CEACAM8: variants seen among roughly 807,000 people sequenced by gnomAD.
The protein encoded by CEACAM8 is CEA cell adhesion molecule 8.
CEACAM8 carries 31 observed loss-of-function variants against 33.4 expected under a neutral mutation model. The observed-to-expected ratio is 0.93, with a 90% confidence interval of 0.70 to 1.25. The LOEUF (loss-of-function observed/expected upper bound fraction) is 1.25, where lower values mean the gene tolerates loss of function less well. Ranked by LOEUF, CEACAM8 falls within the 50% of genes most tolerant of loss-of-function variation. The pLI, the probability that CEACAM8 is intolerant of heterozygous loss-of-function variation, is 0.00. For missense variants in CEACAM8, 388 were observed against 434.6 expected (o/e 0.89, Z 0.95); for synonymous variants, 138 against 164.5 (o/e 0.84, Z 1.23).
intron 3 of CEACAM8, 127 bp downstream of exon 3, chr19:42,589,330 G>T (rs1239016145): frequency 7.0e-7 from 1 of 1,434,154 alleles, no homozygotes; most frequent in Non-Finnish European, 9.6e-7. Context: ...AAGTCATGAC[G>T]AGCTGGGTTT....
intron 4 of CEACAM8, among the ~76,000 whole-genome samples, chr19:42,587,779 T>C (rs1452944556): frequency 1.3e-5 from 2 of 151,898 alleles, no homozygotes; most frequent in African/African-American, 2.4e-5. Flanking sequence ...CCAAGGCGGG[T>C]GGATCACCTG....
chr19:42,593,351 G>A (rs990668022), intron 2 of CEACAM8, among the ~76,000 whole-genome samples, 190 bp downstream of exon 2: 4 of 152,208 alleles, frequency 2.6e-5, no homozygotes, highest in Admixed American at 6.5e-5. Context: ...TGTCTGCAGG[G>A]TCTGGATGCA....
rs978509697 is a variant in CEACAM8 at position 42,581,337 on chromosome 19, A to G, written c.*57T>C. On this transcript the variant is annotated 3_prime_UTR_variant, in exon 6 of 6. Transcript: ENST00000244336. Reference sequence around the variant, plus strand: ...TAGCTGATTGCAAATGCTTTGAGGAAGAATAAAAACAACTGTCTGTGAATG... The same window carrying G: ...TAGCTGATTGCAAATGCTTTGAGGAGGAATAAAAACAACTGTCTGTGAATG... 4 of 152,220 alleles carry G rather than the reference A, an allele frequency of 2.6e-5. No individual in the cohort carries two copies. The highest frequency in any genetic ancestry group is 5.9e-5 in the Non-Finnish European group (4 of 68,042). The allele number at this position is 152,220 out of a possible 1,614,324, so 9.4% of individuals were successfully genotyped here. A position where few individuals can be genotyped will look rare whatever the true frequency, so the allele number is the denominator to read the frequency against.
chr19:42,594,834 C>T lies in CEACAM8; in HGVS notation c.-6G>A, dbSNP rs1450049647. The T allele has an allele frequency of 6.2e-7, 1 of 1,608,818 alleles. No homozygotes were observed. Among genetic ancestry groups the T allele is most frequent in the South Asian group, 1.1e-5 (1 of 90,960 alleles). On this transcript the variant is annotated 5_prime_UTR_variant, in exon 1 of 6. Transcript: ENST00000244336. ...GGGGCTGAGATGGGCCCCATGGTCT[C>T]TGCTGCCTGCGTGTTCTCCTCTGTG...
intron 2 of CEACAM8, among the ~76,000 whole-genome samples, chr19:42,591,987 A>G (rs1241406251): frequency 6.6e-6 from 1 of 152,116 alleles, no homozygotes; most frequent in African/African-American, 2.4e-5. Context: ...GGGGGTTAGG[A>G]TCTTAGAGGG....
At chr19:42,588,623 G>A (rs10406307) in intron 4 of CEACAM8, among the ~76,000 whole-genome samples, 161 bp downstream of exon 4, 8,696 of 152,234 alleles carry the variant, frequency 0.057, 828 homozygotes, top group African/African-American at 0.2. Context: ...AGGCAGAAGA[G>A]AGTCTATAGA....
At chr19:42,583,161 C>T (rs1465704837) in intron 5 of CEACAM8, 45 bp downstream of exon 5, 19 of 829,560 alleles carry the variant, frequency 2.3e-5, no homozygotes, top group Non-Finnish European at 3.6e-5. Context: ...CCAAGCATGG[C>T]GGTCAGCCCT....
chr19:42,593,868 T>A lies in CEACAM8; in HGVS notation c.97A>T (p.Thr33Ser). 6.2e-7 allele frequency: 1 copy of A among 1,601,004 alleles called. No homozygotes were observed. Among genetic ancestry groups the A allele is most frequent in the African/African-American group, 1.3e-5 (1 of 74,542 alleles). Residue 33 changes from threonine (T) to serine (S), a missense_variant, in exon 2 of 6, where the codon ACT (threonine) becomes TCT (serine). Physicochemically the swap from Thr to Ser is moderately conservative, Grantham distance 58 (BLOSUM62 1). Transcript: ENST00000244336. ...SLFTFWNPPT[T>S]AQLTIEAVPS... ...ACAGCTTCAATAGTGAGCTGAGCAG[T>A]GGTGGGCGGGTTCCAGAAGGTGAAA...
rs577852276 is a variant in CEACAM8 at position 42,585,628 on chromosome 19, A to G, written c.959-2291T>C. On this transcript the variant is annotated intron_variant, in intron 4 of 5. Coordinates refer to ENST00000244336, the MANE Select transcript of CEACAM8 (RefSeq NM_001816.4). ...ATAAAGGCAGTATGTGAAAAGCCCA[A>G]GGCTAACATCATACTCAATAGAGAA... Among the ~76,000 whole-genome samples the G allele has an allele frequency of 1.6e-4, 25 of 152,348 alleles. 1 individual carries two copies. Among genetic ancestry groups the G allele is most frequent in the African/African-American group, 5.5e-4 (23 of 41,580 alleles).
intron 4 of CEACAM8, among the ~76,000 whole-genome samples, chr19:42,588,085 C>T (rs1030528616): frequency 1.3e-5 from 2 of 152,230 alleles, no homozygotes; most frequent in Admixed American, 1.3e-4. Flanking sequence ...CAGCCTCATG[C>T]AGCCCGTGAC....
intron 2 of CEACAM8, among the ~76,000 whole-genome samples, chr19:42,592,116 A>C (rs1383916550): frequency 1.3e-5 from 2 of 152,176 alleles, no homozygotes; most frequent in African/African-American, 2.4e-5. Context: ...CTCAGGAAGA[A>C]AGGATTTGAG....
At chr19:42,590,468 C>G (rs528356223) in intron 2 of CEACAM8, among the ~76,000 whole-genome samples, 1 of 152,042 alleles carries the variant, frequency 6.6e-6, no homozygotes, top group African/African-American at 2.4e-5. Flanking sequence ...TCTTTCCCTG[C>G]GGGGGGCAGA....
intron 1 of CEACAM8, 50 bp downstream of exon 1, chr19:42,594,715 A>G (rs1283109066): frequency 6.8e-7 from 1 of 1,476,082 alleles, no homozygotes; most frequent in Non-Finnish European, 9.4e-7. Flanking sequence ...GACCCCAGCC[A>G]GTCACTGTGT....
chr19:42,587,310 A>G (rs1490669139), intron 4 of CEACAM8, among the ~76,000 whole-genome samples: 2 of 152,246 alleles, frequency 1.3e-5, no homozygotes, highest in African/African-American at 4.8e-5. Flanking sequence ...CAGCAGCATT[A>G]GTCACACAAT....
At chr19:42,587,452 G>A (rs527442944) in intron 4 of CEACAM8, among the ~76,000 whole-genome samples, 1 of 152,330 alleles carries the variant, frequency 6.6e-6, no homozygotes, top group Non-Finnish European at 1.5e-5. Flanking sequence ...CAAAATGGAT[G>A]AACCTTAAAA....
Position 42,588,365 on chromosome 19 carries a change from C to G in CEACAM8, c.958+419G>C, listed in dbSNP as rs533154072. On this transcript the variant is annotated intron_variant, in intron 4 of 5. Transcript: ENST00000244336. ...GGGGCTCCTCCTCCCATTTGGGGAA[C>G]GTTGTGGGCTTGTTTCAAAGCCTTG... is the stretch of plus-strand genomic sequence containing the variant. Among the ~76,000 whole-genome samples the G allele has an allele frequency of 2.0e-4, 30 of 152,264 alleles. 1 individual carries two copies. The South Asian group carries it at 6.2e-3, about 32-fold the overall frequency.
chr19:42,583,310 C>G lies in CEACAM8; in HGVS notation c.986G>C (p.Gly329Ala), dbSNP rs2042284684. ...SDALVQGSSP[G>A]LSARATVSIM... The stretch of plus-strand genomic sequence containing the variant: ...GCTGACAGTGGCTCTAGCTGAGAGG[C>G]CAGGAGAACTTCCTTGTACTAAAGC... The change falls in exon 5 of 6, where the codon GGC (glycine) becomes GCC (alanine). Residue 329 changes from glycine (G) to alanine (A), a missense_variant. Physicochemically the swap from Gly to Ala is moderately conservative, Grantham distance 60 (BLOSUM62 0). Transcript: ENST00000244336. 1.9e-6 allele frequency: 3 copies of G among 1,612,978 alleles called. No individual in the cohort carries two copies. The highest frequency in any genetic ancestry group is 1.3e-5 in the African/African-American group (1 of 74,954).
chr19:42,581,751 G>A (rs185297005), intron 5 of CEACAM8, among the ~76,000 whole-genome samples: 35 of 150,998 alleles, frequency 2.3e-4, no homozygotes, highest in Middle Eastern at 3.4e-3. Flanking sequence ...TTAGCTGGGC[G>A]TGGTGGCAGG....
Position 42,588,820 on chromosome 19 carries a change from G to A in CEACAM8, c.922C>T (p.Arg308Cys), listed in dbSNP as rs374147263. ...ACHTTNSATG[R>C]NRTTVRMITV... ...ATCATCCTGACTGTGGTCCTGTTGC[G>A]GCCAGTGGCTGAGTTAGTGGTGTGG... Residue 308 changes from arginine (R) to cysteine (C), a missense_variant, in exon 4 of 6, where the codon CGC (arginine) becomes TGC (cysteine). Arg to Cys is a radical substitution (Grantham distance 180). Coordinates refer to ENST00000244336, the MANE Select transcript of CEACAM8 (RefSeq NM_001816.4). 9.9e-6 allele frequency: 16 copies of A among 1,614,116 alleles called. No individual in the cohort carries two copies. The highest frequency in any genetic ancestry group is 6.7e-5 in the African/African-American group (5 of 75,012).
Sources: gnomAD v4.1 joint callset for allele counts (sites outside exome capture counted in the v4.1 genomes callset) on GRCh38, gnomAD v4.1.1 for gene constraint, MANE v1.5 for transcripts, NCBI Gene and HGNC (gene_info 2026-07-23, HGNC 2026-07-21) for gene names.